SLC19A3: variants seen among roughly 807,000 people sequenced by gnomAD.
SLC19A3 encodes the protein thiamine transporter 2.
Under a neutral mutation model 40.2 loss-of-function variants are expected in SLC19A3, and 31 were observed. That is an observed-to-expected ratio of 0.77 (90% CI 0.58 to 1.04). The LOEUF is 1.04. Ranked by LOEUF, SLC19A3 falls within the 50% of genes least tolerant of loss-of-function variation. SLC19A3 has a pLI of 0.00. For missense variants in SLC19A3, 592 were observed against 596.7 expected, an observed-to-expected ratio of 0.99 and a Z score of 0.08; for synonymous variants, 212 against 227.5, an observed-to-expected ratio of 0.93 and a Z score of 0.61.
intron 1 of SLC19A3, among the ~76,000 whole-genome samples, chr2:227,704,975 G>A (rs1695871291): frequency 6.6e-6 from 1 of 151,810 alleles, no homozygotes. Context: ...CCGCTTCCTG[G>A]GTTCAAGTGA....
intron 1 of SLC19A3, among the ~76,000 whole-genome samples, chr2:227,704,195 A>C (rs1414046350): frequency 6.6e-6 from 1 of 152,194 alleles, no homozygotes; most frequent in Admixed American, 6.5e-5. Context: ...ACAGGCAAGA[A>C]TCCAGGAGTT....
At chr2:227,702,062 A>C (rs1390889199) in intron 2 of SLC19A3, 107 bp downstream of exon 2, 1 of 894,792 alleles carries the variant, frequency 1.1e-6, no homozygotes, top group East Asian at 2.4e-5. Context: ...AGGCTCACTG[A>C]GTTTAATGTG....
chr2:227,708,497 G>A (rs1293422884), intron 1 of SLC19A3, among the ~76,000 whole-genome samples: 2 of 152,062 alleles, frequency 1.3e-5, no homozygotes, highest in Non-Finnish European at 2.9e-5. Context: ...ATTTTGGGAG[G>A]CTGAGGCGGG....
intron 1 of SLC19A3, 144 bp from the exon 2 acceptor site, chr2:227,702,464 G>A (rs1250416170): frequency 1.3e-6 from 1 of 782,936 alleles, no homozygotes; most frequent in Non-Finnish European, 2.0e-6. Context: ...CATGATCTCA[G>A]CCCATTGCAA....
At chr2:227,716,377 A>G (rs927849979) in intron 1 of SLC19A3, among the ~76,000 whole-genome samples, 1 of 152,066 alleles carries the variant, frequency 6.6e-6, no homozygotes, top group Non-Finnish European at 1.5e-5. Context: ...AAGTGCCGGG[A>G]CTCAGAAGCC....
intron 3 of SLC19A3, among the ~76,000 whole-genome samples, 163 bp from the exon 4 acceptor site, chr2:227,696,244 A>G (rs999769123): frequency 8.5e-5 from 13 of 152,218 alleles, no homozygotes; most frequent in Non-Finnish European, 1.9e-4. Context: ...CCTTTTCTCA[A>G]GCGTGTCTTC....
At chr2:227,705,187 C>T (rs1484300785) in intron 1 of SLC19A3, among the ~76,000 whole-genome samples, 1 of 152,090 alleles carries the variant, frequency 6.6e-6, no homozygotes, top group African/African-American at 2.4e-5. Context: ...TATCAGAATG[C>T]ATTGCAGAGA....
chr2:227,684,701 C>T lies in SLC19A3; in HGVS notation c.*2696G>A, dbSNP rs1020627753. 6.6e-6 allele frequency: 1 copy of T among 151,938 alleles called. No individual in the cohort carries two copies. Among genetic ancestry groups the T allele is most frequent in the Admixed American group, 6.6e-5 (1 of 15,244 alleles). 9.4% of individuals were successfully genotyped at this position (151,938 alleles called of 1,614,324 possible). On this transcript the variant is annotated 3_prime_UTR_variant, in exon 6 of 6. Coordinates refer to ENST00000644224, the MANE Select transcript of SLC19A3 (RefSeq NM_025243.4). ...TAAGTTAAAAAAGAAGGATAATAGA[C>T]TGGGTGTGAGGTGGCTGAAGCCTGT...
chr2:227,698,529 G>T (rs1695531195), intron 3 of SLC19A3, among the ~76,000 whole-genome samples: 1 of 152,106 alleles, frequency 6.6e-6, no homozygotes, highest in Admixed American at 6.5e-5. Flanking sequence ...TCGACCTCCT[G>T]AAATCGTGAT....
intron 1 of SLC19A3, among the ~76,000 whole-genome samples, chr2:227,708,019 G>A (rs1316330636): frequency 3.3e-5 from 5 of 152,158 alleles, no homozygotes; most frequent in African/African-American, 9.7e-5. Flanking sequence ...GTGAGCCACC[G>A]CGCCCAGCCT....
chr2:227,710,358 A>T (rs1371584696), intron 1 of SLC19A3, among the ~76,000 whole-genome samples: 1 of 152,180 alleles, frequency 6.6e-6, no homozygotes, highest in Non-Finnish European at 1.5e-5. Context: ...ACAGAAGAGC[A>T]ATAAATTGGT....
At chr2:227,708,427 C>G (rs1347076384) in intron 1 of SLC19A3, among the ~76,000 whole-genome samples, 7 of 152,164 alleles carry the variant, frequency 4.6e-5, no homozygotes, top group African/African-American at 1.7e-4. Context: ...TTAACCATCT[C>G]CTTAAATTGT....
At position 227,717,979 on chromosome 2, in the gene SLC19A3, T is replaced by C. The variant is rs950319321; in HGVS notation, c.-39A>G. 1 of 985,342 alleles carries C rather than the reference T, an allele frequency of 1.0e-6. No homozygotes were observed. The highest frequency in any genetic ancestry group is 1.7e-5 in the African/African-American group (1 of 57,296). 61.0% of individuals were successfully genotyped at this position (985,342 alleles called of 1,614,324 possible). On this transcript the variant is annotated 5_prime_UTR_variant, in exon 1 of 6. Coordinates refer to ENST00000644224, the MANE Select transcript of SLC19A3 (RefSeq NM_025243.4). ...AGTGTCTGTTCACCAAATCGCTCACTTGCCGCACGACCACGCACCCGCGGC... is the reference window on the plus strand; with the variant it reads ...AGTGTCTGTTCACCAAATCGCTCACCTGCCGCACGACCACGCACCCGCGGC...
At chr2:227,706,394 C>T (rs1695944317) in intron 1 of SLC19A3, 1 of 1,231,118 alleles carries the variant, frequency 8.1e-7, no homozygotes, top group Non-Finnish European at 1.0e-6. Context: ...AAAAGTTACT[C>T]CTGTAGCAGT....
At chr2:227,702,121 C>T (rs2106332471) in intron 2 of SLC19A3, 48 bp downstream of exon 2, 1 of 1,500,392 alleles carries the variant, frequency 6.7e-7, no homozygotes, top group Non-Finnish European at 9.3e-7. Context: ...GTTCAAGTCC[C>T]ATAAAATTTA....
intron 4 of SLC19A3, among the ~76,000 whole-genome samples, chr2:227,691,243 G>A (rs183389325): frequency 5.9e-5 from 9 of 152,220 alleles, no homozygotes; most frequent in East Asian, 1.9e-4. Context: ...AACACAACAT[G>A]CCAAAACCTA....
At chr2:227,689,393 A>G (rs556418108) in intron 4 of SLC19A3, among the ~76,000 whole-genome samples, 30 of 152,338 alleles carry the variant, frequency 2.0e-4, no homozygotes, top group Admixed American at 1.0e-3. Flanking sequence ...AACATACAAG[A>G]GAGCTCCAAT....
At chr2:227,689,997 A>G (rs1277047551) in intron 4 of SLC19A3, among the ~76,000 whole-genome samples, 4 of 152,224 alleles carry the variant, frequency 2.6e-5, no homozygotes, top group African/African-American at 9.6e-5. Flanking sequence ...AAATTGAAAA[A>G]CATGCAATGG....
chr2:227,689,992 G>A (rs1695158939), intron 4 of SLC19A3, among the ~76,000 whole-genome samples: 1 of 151,960 alleles, frequency 6.6e-6, no homozygotes, highest in Non-Finnish European at 1.5e-5. Context: ...ATCTCAAATT[G>A]AAAAACATGC....
Sources: gnomAD v4.1 joint callset for allele counts (sites outside exome capture counted in the v4.1 genomes callset) on GRCh38, gnomAD v4.1.1 for gene constraint, MANE v1.5 for transcripts, NCBI Gene and HGNC (gene_info 2026-07-23, HGNC 2026-07-21) for gene names.